Variants in VSTM2B observed in about 807,000 individuals in gnomAD.
VSTM2B encodes V-set and transmembrane domain-containing protein 2B.
Under a neutral mutation model 24.0 loss-of-function variants are expected in VSTM2B, and 24 were observed. The observed-to-expected ratio is 1.00, with a 90% CI of 0.72 to 1.40. The LOEUF is 1.40. VSTM2B is among the 40% of genes most tolerant of loss of function. VSTM2B has a pLI of 0.00. For synonymous variants in VSTM2B, 226 were observed against 194.4 expected (o/e 1.16, Z -1.35); for missense variants, 399 against 416.4 (o/e 0.96, Z 0.36).
chr19:29,546,504 G>A (rs1970159468), intron 4 of VSTM2B, among the ~76,000 whole-genome samples: 2 of 152,232 alleles, frequency 1.3e-5, no homozygotes, highest in African/African-American at 4.8e-5. Context: ...AGAGATAAAG[G>A]GGAAAATTCT....
Position 29,529,869 on chromosome 19 carries a change from C to T in VSTM2B, c.348C>T (p.Ala116=). 6.5e-7 allele frequency: 1 copy of T among 1,550,106 alleles called. No homozygotes were observed. The highest frequency in any genetic ancestry group is 1.4e-5 in the African/African-American group (1 of 73,162). ...NDISHRLRLS[A]VRLQDEGVYE... is the part of the protein sequence containing the mutation. Reference sequence around the variant, plus strand: ...TCTCACACCGGCTTCGGCTGTCTGCCGTGCGGCTGCAGGACGAGGGCGTGT... The same window carrying T: ...TCTCACACCGGCTTCGGCTGTCTGCTGTGCGGCTGCAGGACGAGGGCGTGT... Residue 116 remains alanine, a synonymous_variant, in exon 4 of 5, where the codon GCC becomes GCT. Coordinates refer to ENST00000335523, the MANE Select transcript of VSTM2B (RefSeq NM_001146339.2).
At chr19:29,528,352 C>A in intron 2 of VSTM2B, 81 bp from the exon 3 acceptor site, 1 of 1,536,368 alleles carries the variant, frequency 6.5e-7, no homozygotes. Context: ...GAGGAGGGTG[C>A]CCTTGCCTAA....
chr19:29,529,160 G>T, intron 3 of VSTM2B: 1 of 982,494 alleles, frequency 1.0e-6, no homozygotes, highest in Middle Eastern at 5.2e-4. Context: ...CCCCACCGGG[G>T]CGCAGGGGAG....
At chr19:29,555,224 A>T (rs991985340) in intron 4 of VSTM2B, among the ~76,000 whole-genome samples, 1 of 152,244 alleles carries the variant, frequency 6.6e-6, no homozygotes. Flanking sequence ...ACCACAGTGC[A>T]ATCAAATTAG....
intron 4 of VSTM2B, among the ~76,000 whole-genome samples, chr19:29,542,061 T>C (rs1970033040): frequency 7.0e-6 from 1 of 142,048 alleles, no homozygotes. Flanking sequence ...AACGAATGGA[T>C]GGGTAGAAGG....
At chr19:29,545,494 C>T (rs955330109) in intron 4 of VSTM2B, among the ~76,000 whole-genome samples, 3 of 152,038 alleles carry the variant, frequency 2.0e-5, no homozygotes. Context: ...ATGCCTGTAA[C>T]CCCAGCTACT....
Position 29,547,679 on chromosome 19 carries a change from G to C in VSTM2B, c.770-16167G>C, listed in dbSNP as rs543161102. Among the ~76,000 whole-genome samples the C allele has an allele frequency of 2.4e-4, 36 of 152,326 alleles. No homozygotes were observed. The South Asian group carries it at 5.0e-3, about 21-fold the overall frequency. On this transcript the variant is annotated intron_variant, in intron 4 of 4. Transcript: ENST00000335523. Reference sequence around the variant, plus strand: ...AAGGCACTTAGGGGGTAGCAGAAGAGAAGAAGGCAGAGGCAAGGGGCACCT... The same window carrying C: ...AAGGCACTTAGGGGGTAGCAGAAGACAAGAAGGCAGAGGCAAGGGGCACCT...
chr19:29,554,990 A>G (rs1970374595), intron 4 of VSTM2B, among the ~76,000 whole-genome samples: 1 of 152,164 alleles, frequency 6.6e-6, no homozygotes, highest in African/African-American at 2.4e-5. Flanking sequence ...CCCATTGTCA[A>G]TATTAGATCA....
intron 4 of VSTM2B, among the ~76,000 whole-genome samples, chr19:29,551,598 A>G (rs1342243486): frequency 1.3e-5 from 2 of 152,208 alleles, no homozygotes; most frequent in East Asian, 3.8e-4. Context: ...ATCTTGAGCC[A>G]AAGAAGCTTT....
At chr19:29,537,701 C>CA in intron 4 of VSTM2B, among the ~76,000 whole-genome samples, 2 of 151,532 alleles carry the variant, frequency 1.3e-5, no homozygotes, top group African/African-American at 4.9e-5. Flanking sequence ...CCACCCGCCC[C>CA]CACACCCACC....
chr19:29,552,391 G>A (rs1467744164), intron 4 of VSTM2B, among the ~76,000 whole-genome samples: 2 of 152,348 alleles, frequency 1.3e-5, no homozygotes, highest in East Asian at 3.9e-4. Context: ...TTCTCTCACT[G>A]GTACTGACGT....
chr19:29,527,081 G>A (rs1187893639), intron 1 of VSTM2B, 130 bp from the exon 2 acceptor site: 1 of 827,214 alleles, frequency 1.2e-6, no homozygotes, highest in Non-Finnish European at 1.8e-6. Flanking sequence ...CCCTCCGGCC[G>A]TGCGCCAGGG....
intron 4 of VSTM2B, among the ~76,000 whole-genome samples, chr19:29,546,059 A>G (rs1419196708): frequency 6.6e-6 from 1 of 151,994 alleles, no homozygotes; most frequent in South Asian, 2.1e-4. Flanking sequence ...GTGTGGGGTA[A>G]TGGCAGGGGC....
Position 29,527,203 on chromosome 19 carries a change from A to C in VSTM2B, c.83-8A>C, listed in dbSNP as rs1969601060. 6.5e-7 allele frequency: 1 copy of C among 1,543,830 alleles called. No homozygotes were observed. The highest frequency in any genetic ancestry group is 1.2e-5 in the South Asian group (1 of 83,256). On this transcript the variant is annotated splice_region_variant and splice_polypyrimidine_tract_variant and intron_variant, in intron 1 of 4. Transcript: ENST00000335523. ...TGGTCACGCCTCTCTCTCTCTCCCC[A>C]CCCCCAGCTGCATTCACAGAAGTCC...
At chr19:29,542,897 G>A (rs1027824366) in intron 4 of VSTM2B, among the ~76,000 whole-genome samples, 6 of 152,128 alleles carry the variant, frequency 3.9e-5, no homozygotes, top group Non-Finnish European at 8.8e-5. Context: ...AGTGGTGGTA[G>A]GTCCCAGAAT....
intron 4 of VSTM2B, among the ~76,000 whole-genome samples, chr19:29,559,728 C>A (rs1485958533): frequency 6.6e-6 from 1 of 152,100 alleles, no homozygotes; most frequent in Non-Finnish European, 1.5e-5. Flanking sequence ...ATTCTCCAGC[C>A]CTTTTAAAGA....
intron 1 of VSTM2B, 100 bp from the exon 2 acceptor site, chr19:29,527,111 G>C: frequency 1.8e-6 from 2 of 1,089,510 alleles, no homozygotes; most frequent in Admixed American, 2.2e-5. Context: ...GGGGTGGGGG[G>C]CACAAGGCCA....
chr19:29,564,213 C>G lies in VSTM2B; in HGVS notation c.*279C>G. The G allele has an allele frequency of 3.1e-6, 1 of 323,476 alleles. No homozygotes were observed. Among genetic ancestry groups the G allele is most frequent in the Non-Finnish European group, 5.8e-6 (1 of 173,106 alleles). The allele number at this position is 323,476 out of a possible 1,614,324, so 20.0% of individuals were successfully genotyped here. On this transcript the variant is annotated 3_prime_UTR_variant, in exon 5 of 5. Coordinates refer to ENST00000335523, the MANE Select transcript of VSTM2B (RefSeq NM_001146339.2). ...TAGTTTTCTTTTCTACACTTTCCCT[C>G]CAAGTCTTCATTTTGCACGAACTGT...
chr19:29,551,888 C>A (rs114898189), intron 4 of VSTM2B, among the ~76,000 whole-genome samples: 5 of 152,136 alleles, frequency 3.3e-5, no homozygotes, highest in Non-Finnish European at 7.3e-5. Flanking sequence ...GATGTCTCCA[C>A]GCCATGTAAA....
Sources: gnomAD v4.1 joint callset for allele counts (sites outside exome capture counted in the v4.1 genomes callset) on GRCh38, gnomAD v4.1.1 for gene constraint, MANE v1.5 for transcripts, NCBI Gene and HGNC (gene_info 2026-07-23, HGNC 2026-07-21) for gene names.